The following ADSS2 variants were observed in gnomAD, a reference collection of about 807,000 sequenced individuals.
The protein encoded by ADSS2 is adenylosuccinate synthase 2.
A neutral mutation model predicts 60.0 loss-of-function variants in ADSS2; 30 were observed. The observed-to-expected ratio is 0.50, with a 90% CI of 0.37 to 0.68. The LOEUF is 0.68. Ranked by LOEUF, ADSS2 falls within the 30% of genes least tolerant of loss-of-function variation. ADSS2 has a pLI of 0.00. For synonymous variants in ADSS2, 187 were observed against 193.1 expected, an observed-to-expected ratio of 0.97 and a Z score of 0.26; for missense variants, 373 against 554.8, an observed-to-expected ratio of 0.67 and a Z score of 3.29.
chr1:244,432,614 TATATTTAATTGA>T lies in ADSS2; in HGVS notation c.356-31_356-20del. 6.8e-7 allele frequency: 1 copy of T among 1,476,002 alleles called. No individual in the cohort carries two copies. Among genetic ancestry groups the T allele is most frequent in the Non-Finnish European group, 9.3e-7 (1 of 1,078,144 alleles). 91.4% of individuals were successfully genotyped at this position (1,476,002 alleles called of 1,614,324 possible). A position where few individuals can be genotyped will look rare whatever the true frequency, so the allele number is the denominator to read the frequency against. On this transcript the variant is annotated intron_variant, in intron 3 of 12. Transcript: ENST00000366535. ...TCTAGTCCTAGAAAGGGGAAAAAGA[TATATTTAATTGA>T]ATATTTTGTATAGCAGTTTTAAAAT...
chr1:244,444,595 C>T (rs1486818429), intron 1 of ADSS2, among the ~76,000 whole-genome samples: 1 of 147,808 alleles, frequency 6.8e-6, no homozygotes, highest in East Asian at 2.0e-4. Context: ...AAATGTATCT[C>T]ATCACAGAGC....
chr1:244,415,886 C>T (rs1412991891), intron 11 of ADSS2, 95 bp downstream of exon 11: 11 of 884,250 alleles, frequency 1.2e-5, no homozygotes, highest in South Asian at 8.3e-5. Flanking sequence ...TCAAACCTGT[C>T]GCTATCTATC....
Position 244,411,226 on chromosome 1 carries a change from A to G in ADSS2, c.1318+61T>C, listed in dbSNP as rs1664406396. The G allele has an allele frequency of 2.0e-6, 3 of 1,534,242 alleles. No individual in the cohort carries two copies. The East Asian group carries it at 6.8e-5, about 35-fold the overall frequency. On this transcript the variant is annotated intron_variant, in intron 12 of 12. Transcript: ENST00000366535. ...AGAGCGAGACTCCGTCTCAAAAAAA[A>G]AAAAAGAAAAAAGAGAGAGAGAGAA...
Position 244,409,409 on chromosome 1 carries a change from G to A in ADSS2, c.*177C>T. On this transcript the variant is annotated 3_prime_UTR_variant, in exon 13 of 13. Coordinates refer to ENST00000366535, the MANE Select transcript of ADSS2 (RefSeq NM_001126.5). Reference sequence around the variant, plus strand: ...TTCCAGCTAAAGAAAGCTGACACTGGAATATGCCAAAGTTAATCTCCACAG... The same window carrying A: ...TTCCAGCTAAAGAAAGCTGACACTGAAATATGCCAAAGTTAATCTCCACAG... 1 of 478,384 alleles carries A rather than the reference G, an allele frequency of 2.1e-6. No individual in the cohort carries two copies. The highest frequency in any genetic ancestry group is 3.7e-6 in the Non-Finnish European group (1 of 270,444). 29.6% of individuals were successfully genotyped at this position (478,384 alleles called of 1,614,324 possible). A position where few individuals can be genotyped will look rare whatever the true frequency, so the allele number is the denominator to read the frequency against.
intron 1 of ADSS2, among the ~76,000 whole-genome samples, chr1:244,450,700 T>C (rs1000647084): frequency 1.3e-5 from 2 of 152,186 alleles, no homozygotes; most frequent in African/African-American, 4.8e-5. Flanking sequence ...GAGAGAGTTA[T>C]CTGAGAGCCT....
intron 1 of ADSS2, among the ~76,000 whole-genome samples, chr1:244,440,008 C>T (rs996276287): frequency 6.6e-6 from 1 of 152,224 alleles, no homozygotes; most frequent in Admixed American, 6.5e-5. Context: ...TCTCAGCGCC[C>T]CATGGCTGCT....
In ADSS2 at chr1:244,436,818, T is replaced by C; in HGVS notation, c.355+7A>G. On this transcript the variant is annotated splice_region_variant and intron_variant, in intron 3 of 12. Transcript: ENST00000366535. ...ACTGGTTACCAAGTAGACTCATTCTTTCATACCTTTTCCTTTTTGAACATT... is the reference window on the plus strand; with the variant it reads ...ACTGGTTACCAAGTAGACTCATTCTCTCATACCTTTTCCTTTTTGAACATT... 3 of 1,606,168 alleles carry C rather than the reference T, an allele frequency of 1.9e-6. No homozygotes were observed. The highest frequency in any genetic ancestry group is 2.6e-6 in the Non-Finnish European group (3 of 1,173,708).
intron 12 of ADSS2, 27 bp downstream of exon 12, chr1:244,411,260 A>T: frequency 6.3e-7 from 1 of 1,576,572 alleles, no homozygotes; most frequent in South Asian, 1.2e-5. Context: ...AAAAGAAAAA[A>T]CTTATTCACA....
chr1:244,437,741 C>T lies in ADSS2; in HGVS notation c.211G>A (p.Val71Ile). The change falls in exon 2 of 13, where the codon GTT becomes ATT. Residue 71 changes from valine to isoleucine, a missense_variant. Physicochemically the swap from Val to Ile is conservative, Grantham distance 29. Coordinates refer to ENST00000366535, the MANE Select transcript of ADSS2 (RefSeq NM_001126.5). ...AAATCATATTCCACAGAATCCACAA[C>T]AACTGTATGGCCAGCATTATTTCCT... ...QGGNNAGHTV[V>I]VDSVEYDFHL... is the part of the protein sequence containing the mutation. The T allele has an allele frequency of 6.2e-7, 1 of 1,607,838 alleles. No individual in the cohort carries two copies. Among genetic ancestry groups the T allele is most frequent in the Non-Finnish European group, 8.5e-7 (1 of 1,174,470 alleles).
At chr1:244,436,515 C>G (rs570514726) in intron 3 of ADSS2, among the ~76,000 whole-genome samples, 1 of 152,312 alleles carries the variant, frequency 6.6e-6, no homozygotes, top group Admixed American at 6.5e-5. Flanking sequence ...GAAAACAAGA[C>G]TGACAGTGTG....
intron 1 of ADSS2, among the ~76,000 whole-genome samples, chr1:244,446,197 C>T (rs565956807): frequency 6.6e-6 from 1 of 152,324 alleles, no homozygotes; most frequent in East Asian, 1.9e-4. Context: ...ATTGTAAGAT[C>T]TGTGTCTCCT....
intron 12 of ADSS2, 124 bp from the exon 13 acceptor site, chr1:244,409,762 T>C: frequency 1.4e-6 from 1 of 718,618 alleles, no homozygotes; most frequent in Non-Finnish European, 2.4e-6. Flanking sequence ...TGTGCCTTTT[T>C]GCTGTTCTCT....
chr1:244,448,804 T>C (rs1558282775), intron 1 of ADSS2, among the ~76,000 whole-genome samples: 2 of 152,306 alleles, frequency 1.3e-5, no homozygotes, highest in East Asian at 3.9e-4. Context: ...AGTACCTTTC[T>C]CCATCCCGAC....
chr1:244,420,347 CATAACCAGAACAAGA>C (rs1375186699), intron 7 of ADSS2, 51 bp from the exon 8 acceptor site: 1 of 1,481,412 alleles, frequency 6.8e-7, no homozygotes, highest in Non-Finnish European at 9.1e-7. Flanking sequence ...AAACGTTTAA[CATAACCAGAACAAGA>C]ATAAATTACC....
chr1:244,422,206 C>CT (rs1484065058), intron 7 of ADSS2, among the ~76,000 whole-genome samples: 4 of 152,078 alleles, frequency 2.6e-5, no homozygotes, highest in Non-Finnish European at 1.5e-5. Flanking sequence ...GATATTGATA[C>CT]TTATCTATAG....
chr1:244,412,864 C>T lies in ADSS2; in HGVS notation c.1169-1428G>A, dbSNP rs75060294. ...GGTCTGCAAAAGGTCCCATTACTTCCTATTAAAGGTTGTGGCATCCTGTTG... is the reference window on the plus strand; with the variant it reads ...GGTCTGCAAAAGGTCCCATTACTTCTTATTAAAGGTTGTGGCATCCTGTTG... On this transcript the variant is annotated intron_variant, in intron 11 of 12. Transcript: ENST00000366535. 1.3e-4 allele frequency among the ~76,000 whole-genome samples: 20 copies of T among 152,230 alleles called. No individual in the cohort carries two copies. In the East Asian group the frequency reaches 3.7e-3, roughly 28 times the overall value.
At position 244,409,908 on chromosome 1, in the gene ADSS2, G is replaced by A. The variant is rs183982294; in HGVS notation, c.1319-270C>T. On this transcript the variant is annotated intron_variant, in intron 12 of 12. Coordinates refer to ENST00000366535, the MANE Select transcript of ADSS2 (RefSeq NM_001126.5). ...TAATGACTTAGGATAGTAAAATATTGACCAACACCAGCAGAGACCTACAGA... is the reference window on the plus strand; with the variant it reads ...TAATGACTTAGGATAGTAAAATATTAACCAACACCAGCAGAGACCTACAGA... Among the ~76,000 whole-genome samples the A allele has an allele frequency of 3.3e-3, 504 of 152,170 alleles. 4 individuals carry two copies. The highest frequency in any genetic ancestry group is 0.012 in the African/African-American group (480 of 41,518).
At chr1:244,440,925 C>T (rs1367654102) in intron 1 of ADSS2, among the ~76,000 whole-genome samples, 1 of 152,012 alleles carries the variant, frequency 6.6e-6, no homozygotes, top group Non-Finnish European at 1.5e-5. Context: ...CCATCTTTTG[C>T]TATTATAAAC....
rs186577221 is a variant in ADSS2 at position 244,434,079 on chromosome 1, T to C, written c.356-1484A>G. 9.4e-4 allele frequency among the ~76,000 whole-genome samples: 142 copies of C among 150,338 alleles called. 3 individuals carry two copies. The highest frequency in any genetic ancestry group is 3.4e-3 in the Middle Eastern group (1 of 290). On this transcript the variant is annotated intron_variant, in intron 3 of 12. Transcript: ENST00000366535. ...AAAAATTACTTTTGGCTGAGAGCAG[T>C]GGCCTATAATCCTAGCACTTTGGGT...
Sources: allele counts gnomAD v4.1 joint callset (sites outside exome capture counted in the v4.1 genomes callset), GRCh38; gene constraint gnomAD v4.1.1; transcripts MANE v1.5; gene names NCBI Gene and HGNC (gene_info 2026-07-23, HGNC 2026-07-21).